The following NAPB variants were observed in gnomAD, a reference collection of about 807,000 sequenced individuals.
NAPB encodes NSF attachment protein beta, also known as beta-soluble NSF attachment protein.
NAPB carries 26 observed loss-of-function variants against 44.7 expected under a neutral mutation model. The ratio of observed to expected loss-of-function variants is 0.58; its 90% CI spans 0.43 to 0.81. The LOEUF is 0.81. NAPB is among the 30% of genes least tolerant of loss of function. The pLI is 0.00. For missense variants in NAPB, 315 were observed against 356.4 expected (o/e 0.88, Z 0.94); for synonymous variants, 120 against 116.8 (o/e 1.03, Z -0.18).
chr20:23,406,134 C>T (rs1300848688), intron 1 of NAPB, among the ~76,000 whole-genome samples: 1 of 152,152 alleles, frequency 6.6e-6, no homozygotes, highest in African/African-American at 2.4e-5. Flanking sequence ...AAGGCCCTCA[C>T]CAGATACCAG....
chr20:23,392,683 G>GT (rs71183336), intron 5 of NAPB, among the ~76,000 whole-genome samples: 44,241 of 147,064 alleles, frequency 0.3, 6,487 homozygotes, highest in Middle Eastern at 0.38. Flanking sequence ...TTCCTGGATA[G>GT]TTTTTTTTTT....
intron 1 of NAPB, among the ~76,000 whole-genome samples, chr20:23,407,391 A>G (rs1015910501): frequency 1.3e-5 from 2 of 152,222 alleles, no homozygotes; most frequent in East Asian, 3.8e-4. Context: ...ACGCAGCAAC[A>G]TAAGTTAAAC....
At chr20:23,414,229 G>C (rs1487311033) in intron 1 of NAPB, among the ~76,000 whole-genome samples, 2 of 152,144 alleles carry the variant, frequency 1.3e-5, no homozygotes, top group Non-Finnish European at 2.9e-5. Context: ...GGCTGAGGTG[G>C]GAGGATCACT....
At chr20:23,415,374 T>C (rs1985929472) in intron 1 of NAPB, among the ~76,000 whole-genome samples, 2 of 151,822 alleles carry the variant, frequency 1.3e-5, no homozygotes, top group Admixed American at 6.6e-5. Flanking sequence ...GGTGGACGGA[T>C]CATGAGGTCA....
At chr20:23,406,159 A>C (rs962728941) in intron 1 of NAPB, among the ~76,000 whole-genome samples, 2 of 152,154 alleles carry the variant, frequency 1.3e-5, no homozygotes, top group Non-Finnish European at 2.9e-5. Context: ...TGGTGCCTTG[A>C]TCTCAGACTT....
At chr20:23,387,693 A>C (rs958244073) in intron 7 of NAPB, among the ~76,000 whole-genome samples, 5 of 152,220 alleles carry the variant, frequency 3.3e-5, no homozygotes, top group Admixed American at 1.3e-4. Context: ...GAAATACAAA[A>C]CTTACACACC....
chr20:23,400,597 G>C (rs1984762912), intron 2 of NAPB, among the ~76,000 whole-genome samples: 1 of 152,134 alleles, frequency 6.6e-6, no homozygotes. Flanking sequence ...ACACAACTTA[G>C]GCTAAATTTC....
chr20:23,420,181 C>T (rs998112300), intron 1 of NAPB, among the ~76,000 whole-genome samples: 1 of 152,248 alleles, frequency 6.6e-6, no homozygotes. Context: ...AGAATTCTTC[C>T]GGGCTGTCAG....
intron 1 of NAPB, among the ~76,000 whole-genome samples, chr20:23,403,340 T>C (rs532842498): frequency 6.6e-6 from 1 of 152,292 alleles, no homozygotes; most frequent in South Asian, 2.1e-4. Context: ...TGATGGCTCA[T>C]GCCTGTAATC....
intron 6 of NAPB, 46 bp from the exon 7 acceptor site, chr20:23,390,076 A>C: frequency 6.3e-7 from 1 of 1,599,038 alleles, no homozygotes; most frequent in Non-Finnish European, 8.6e-7. Context: ...TCAATGGAAA[A>C]ATAAAAGATG....
intron 1 of NAPB, 143 bp downstream of exon 1, chr20:23,421,162 G>A (rs1442927496): frequency 3.2e-6 from 2 of 624,648 alleles, no homozygotes; most frequent in African/African-American, 2.0e-5. Context: ...AGGATTTCTG[G>A]AGGGCGCCTG....
chr20:23,396,388 T>C (rs946846272), intron 3 of NAPB, among the ~76,000 whole-genome samples: 1 of 152,230 alleles, frequency 6.6e-6, no homozygotes, highest in Non-Finnish European at 1.5e-5. Flanking sequence ...GACATATTTA[T>C]TCTCAAAATT....
rs1331149220 is a variant in NAPB, at chr20:23,411,816, T to C, written c.99-8744A>G. Among the ~76,000 whole-genome samples, 3 of 151,836 alleles carry C rather than the reference T, an allele frequency of 2.0e-5. No homozygotes were observed. The East Asian group carries it at 5.8e-4, about 29-fold the overall frequency. ...AACCAGTAGAACAAAATTACAAACC[T>C]TCCTAAATAAAAAAAGAGACATGAA... On this transcript the variant is annotated intron_variant, in intron 1 of 10. Coordinates refer to ENST00000377026, the MANE Select transcript of NAPB (RefSeq NM_022080.3).
Position 23,379,954 on chromosome 20 carries a change from T to C in NAPB, c.667-19A>G. The C allele has an allele frequency of 6.2e-7, 1 of 1,604,488 alleles. No homozygotes were observed. The highest frequency in any genetic ancestry group is 8.5e-7 in the Non-Finnish European group (1 of 1,172,174). On this transcript the variant is annotated intron_variant, in intron 8 of 10. Transcript: ENST00000377026. ...GAGCAAGCTGAGAGAGAAAAACCAC[T>C]CATCAATTTCAGACTTACTAAACAA...
intron 5 of NAPB, among the ~76,000 whole-genome samples, chr20:23,391,427 C>T (rs1257554121): frequency 1.3e-5 from 2 of 152,190 alleles, no homozygotes; most frequent in South Asian, 2.1e-4. Context: ...TTTGTAAGAG[C>T]TGAACTCTGC....
At chr20:23,398,299 TATC>T (rs1387884366) in intron 2 of NAPB, among the ~76,000 whole-genome samples, 2 of 152,130 alleles carry the variant, frequency 1.3e-5, no homozygotes, top group African/African-American at 2.4e-5. Flanking sequence ...CTAAAAAAAT[TATC>T]ATAAAGCAGT....
At chr20:23,406,137 G>C (rs1985237892) in intron 1 of NAPB, among the ~76,000 whole-genome samples, 2 of 152,174 alleles carry the variant, frequency 1.3e-5, no homozygotes, top group Non-Finnish European at 2.9e-5. Context: ...GCCCTCACCA[G>C]ATACCAGACG....
In NAPB at chr20:23,377,385, G is replaced by A. The variant is rs764271795; in HGVS notation, c.888C>T (p.Asp296=). The A allele has an allele frequency of 3.2e-6, 5 of 1,586,440 alleles. 1 individual carries two copies. In the South Asian group the frequency reaches 4.6e-5, roughly 15 times the overall value. The change falls in exon 11 of 11, where the codon GAC becomes GAT. Residue 296 remains aspartate (D), a synonymous_variant. Transcript: ENST00000377026. The part of the protein sequence containing the change: ...SIQGDGEGDG[D]LK ...CAAAGACAAAAACATTTCATTTTAG[G>A]TCTCCATCTCCTTCTCCATCCCCTT...
In NAPB at chr20:23,421,175, G is replaced by T. The variant is rs972035385; in HGVS notation, c.98+130C>A. On this transcript the variant is annotated intron_variant, in intron 1 of 10. Transcript: ENST00000377026. The stretch of plus-strand genomic sequence containing the variant: ...ACAGGATTTCTGGAGGGCGCCTGCA[G>T]GCTGAGGGCCCCTAGACGTGGTCTG... 4.3e-6 allele frequency: 3 copies of T among 700,304 alleles called. No homozygotes were observed. In the Admixed American group the frequency reaches 1.1e-4, roughly 25 times the overall value. 43.4% of individuals were successfully genotyped at this position (700,304 alleles called of 1,614,324 possible). A position where few individuals can be genotyped will look rare whatever the true frequency, so the allele number is the denominator to read the frequency against.
Sources: allele counts gnomAD v4.1 joint callset (sites outside exome capture counted in the v4.1 genomes callset), GRCh38; gene constraint gnomAD v4.1.1; transcripts MANE v1.5; gene names NCBI Gene and HGNC (gene_info 2026-07-23, HGNC 2026-07-21).